PRIMA1: variants seen among roughly 807,000 people sequenced by gnomAD.
PRIMA1 encodes the protein proline rich membrane anchor 1.
A neutral mutation model predicts 17.5 loss-of-function variants in PRIMA1; 7 were observed. The observed-to-expected ratio is 0.40, with a 90% CI of 0.23 to 0.75. The LOEUF (loss-of-function observed/expected upper bound fraction) is 0.75. Ranked by LOEUF, PRIMA1 falls within the 30% of genes least tolerant of loss-of-function variation. The pLI is 0.37. For synonymous variants in PRIMA1, 97 were observed against 77.9 expected, an observed-to-expected ratio of 1.25 and a Z score of -1.29; for missense variants, 200 against 201.8, an observed-to-expected ratio of 0.99 and a Z score of 0.05.
At chr14:93,769,533 G>T (rs10148508) in intron 3 of PRIMA1, among the ~76,000 whole-genome samples, 1 of 152,042 alleles carries the variant, frequency 6.6e-6, no homozygotes, top group Non-Finnish European at 1.5e-5. Flanking sequence ...GACATGGCCC[G>T]TGTTTGATGC....
At chr14:93,755,768 G>A (rs865900777) in intron 3 of PRIMA1, among the ~76,000 whole-genome samples, 3 of 152,206 alleles carry the variant, frequency 2.0e-5, no homozygotes, top group African/African-American at 4.8e-5. Flanking sequence ...CTGTGGCCTT[G>A]GACCTTGGCC....
rs549925723 is a variant in PRIMA1, at chr14:93,781,713, G to A, written c.94-2402C>T. Among the ~76,000 whole-genome samples the A allele has an allele frequency of 3.9e-5, 6 of 152,342 alleles. No individual in the cohort carries two copies. In the East Asian group the frequency reaches 5.8e-4, roughly 15 times the overall value. On this transcript the variant is annotated intron_variant, in intron 2 of 4. Coordinates refer to ENST00000393140, the MANE Select transcript of PRIMA1 (RefSeq NM_178013.4). Reference sequence around the variant, plus strand: ...TGCATTTAAAAAACTGATAGTTCTCGCCTGTAATCCCAGCACTTTGGGAGG... The same window carrying A: ...TGCATTTAAAAAACTGATAGTTCTCACCTGTAATCCCAGCACTTTGGGAGG...
At position 93,779,024 on chromosome 14, in the gene PRIMA1, C is replaced by T. The variant is rs577868056; in HGVS notation, c.229+152G>A. The T allele has an allele frequency of 6.0e-5, 35 of 587,164 alleles. 1 individual carries two copies. In the South Asian group the frequency reaches 9.3e-4, roughly 16 times the overall value. 36.4% of individuals were successfully genotyped at this position (587,164 alleles called of 1,614,324 possible). ...CGCTGTGGGAAAGGCGTTTTGCAGA[C>T]TGCAGGGGAAAGTTGGGCCTTGGCT... is the stretch of plus-strand genomic sequence containing the variant. On this transcript the variant is annotated intron_variant, in intron 3 of 4. Transcript: ENST00000393140.
chr14:93,728,345 G>A (rs1035249437), intron 4 of PRIMA1, among the ~76,000 whole-genome samples: 4 of 152,232 alleles, frequency 2.6e-5, no homozygotes, highest in Non-Finnish European at 4.4e-5. Context: ...GAGAATAGCG[G>A]GAGGCCTGGT....
rs1335977724 is a variant in PRIMA1 at position 93,719,734 on chromosome 14, C to G, written c.*1710G>C. 6.6e-6 allele frequency: 1 copy of G among 152,338 alleles called. No homozygotes were observed. The highest frequency in any genetic ancestry group is 1.5e-5 in the Non-Finnish European group (1 of 68,166). 9.4% of individuals were successfully genotyped at this position (152,338 alleles called of 1,614,324 possible). ...TGTGAAGTACTGGCCAGGTCAGGAG[C>G]AGGGGGTGGCACTATGCTGATGCCC... On this transcript the variant is annotated 3_prime_UTR_variant, in exon 5 of 5. Coordinates refer to ENST00000393140, the MANE Select transcript of PRIMA1 (RefSeq NM_178013.4).
chr14:93,768,793 TATG>T (rs1884968119), intron 3 of PRIMA1, among the ~76,000 whole-genome samples: 1 of 146,694 alleles, frequency 6.8e-6, no homozygotes, highest in Non-Finnish European at 1.5e-5. Context: ...TTAAAAAAGA[TATG>T]ATCACTTTTT....
chr14:93,787,766 G>T lies in PRIMA1; in HGVS notation c.-31-17C>A. 1 of 1,532,712 alleles carries T rather than the reference G, an allele frequency of 6.5e-7. No individual in the cohort carries two copies. The highest frequency in any genetic ancestry group is 8.8e-7 in the Non-Finnish European group (1 of 1,142,644). 94.9% of individuals were successfully genotyped at this position (1,532,712 alleles called of 1,614,324 possible). ...TGGGGCGAACTGTCAGGAGAGCAAG[G>T]CTAGGGTCAGGCGGACACCGCGCAG... On this transcript the variant is annotated splice_polypyrimidine_tract_variant and intron_variant, in intron 1 of 4. Coordinates refer to ENST00000393140, the MANE Select transcript of PRIMA1 (RefSeq NM_178013.4).
chr14:93,773,865 G>A (rs1263854418), intron 3 of PRIMA1, among the ~76,000 whole-genome samples: 2 of 152,182 alleles, frequency 1.3e-5, no homozygotes, highest in Non-Finnish European at 2.9e-5. Context: ...AGGCTGAGGT[G>A]GGCAGATCAC....
intron 3 of PRIMA1, among the ~76,000 whole-genome samples, chr14:93,741,777 A>G (rs2076185853): frequency 6.6e-6 from 1 of 152,130 alleles, no homozygotes; most frequent in South Asian, 2.1e-4. Flanking sequence ...GAGAGTGCCA[A>G]GTTCCAGGAC....
At chr14:93,751,716 G>A (rs923132308) in intron 3 of PRIMA1, among the ~76,000 whole-genome samples, 2 of 152,156 alleles carry the variant, frequency 1.3e-5, no homozygotes, top group African/African-American at 2.4e-5. Flanking sequence ...ATGATGACAC[G>A]GCTGAGAAGA....
At chr14:93,748,106 GTA>G (rs1279463969) in intron 3 of PRIMA1, among the ~76,000 whole-genome samples, 1 of 152,028 alleles carries the variant, frequency 6.6e-6, no homozygotes, top group Non-Finnish European at 1.5e-5. Context: ...GTGTGAATGT[GTA>G]TGTGTGTGAA....
intron 3 of PRIMA1, among the ~76,000 whole-genome samples, chr14:93,766,908 T>C (rs1884906348): frequency 6.6e-6 from 1 of 152,182 alleles, no homozygotes; most frequent in South Asian, 2.1e-4. Flanking sequence ...ATAAGGACCA[T>C]ATCTTCTTTA....
At chr14:93,730,467 A>C (rs1224418507) in intron 4 of PRIMA1, among the ~76,000 whole-genome samples, 2 of 152,160 alleles carry the variant, frequency 1.3e-5, no homozygotes, top group Non-Finnish European at 2.9e-5. Context: ...CACTGACCAG[A>C]GAGACCTCTG....
intron 3 of PRIMA1, among the ~76,000 whole-genome samples, chr14:93,748,770 G>A (rs1318860809): frequency 1.3e-5 from 2 of 152,080 alleles, no homozygotes; most frequent in Non-Finnish European, 1.5e-5. Flanking sequence ...ATCATCAAGG[G>A]CACTGTTCTC....
At chr14:93,731,563 GC>G (rs1223312872) in intron 4 of PRIMA1, among the ~76,000 whole-genome samples, 5 of 152,198 alleles carry the variant, frequency 3.3e-5, no homozygotes, top group African/African-American at 1.2e-4. Context: ...TAATCATTAA[GC>G]TGTCTCAAAA....
rs1229333333 is a variant in PRIMA1 at position 93,721,283 on chromosome 14, G to A, written c.*161C>T. On this transcript the variant is annotated 3_prime_UTR_variant, in exon 5 of 5. Coordinates refer to ENST00000393140, the MANE Select transcript of PRIMA1 (RefSeq NM_178013.4). ...GCCTGGGCCCGCAGGCTGACCAGGG[G>A]CAAGCCTGGGAAGACAATGGTTTCT... 1.7e-6 allele frequency: 1 copy of A among 588,826 alleles called. No homozygotes were observed. Among genetic ancestry groups the A allele is most frequent in the Non-Finnish European group, 3.0e-6 (1 of 333,476 alleles). The allele number at this position is 588,826 out of a possible 1,614,324, so 36.5% of individuals were successfully genotyped here.
At chr14:93,779,576 G>T (rs912265621) in intron 2 of PRIMA1, among the ~76,000 whole-genome samples, 3 of 152,204 alleles carry the variant, frequency 2.0e-5, no homozygotes, top group African/African-American at 7.2e-5. Context: ...ATGAGAAGTA[G>T]ACAAGAACTT....
chr14:93,783,620 C>CA (rs1381618901), intron 2 of PRIMA1, among the ~76,000 whole-genome samples: 1 of 152,218 alleles, frequency 6.6e-6, no homozygotes, highest in Non-Finnish European at 1.5e-5. Flanking sequence ...CCAGAAAAGT[C>CA]AGTGACTTGC....
chr14:93,737,366 G>C lies in PRIMA1; in HGVS notation c.234C>G (p.Pro78=), dbSNP rs750564163. 11 of 1,613,852 alleles carry C rather than the reference G, an allele frequency of 6.8e-6. No individual in the cohort carries two copies. The highest frequency in any genetic ancestry group is 1.7e-5 in the Admixed American group (1 of 59,954). ...CCTCAGTGGGGCAAGAGGTAGAGTT[G>C]GGAGCTGAAAAAGACAGGAGCAGCC... is the stretch of plus-strand genomic sequence containing the variant. The part of the protein sequence containing the change: ...PPPRLLSAPA[P]NSTSCPTEES... Residue 78 remains proline, a synonymous_variant, in exon 4 of 5, where the codon CCC becomes CCG. Transcript: ENST00000393140.
Sources: gnomAD v4.1 joint callset for allele counts (sites outside exome capture counted in the v4.1 genomes callset) on GRCh38, gnomAD v4.1.1 for gene constraint, MANE v1.5 for transcripts, NCBI Gene and HGNC (gene_info 2026-07-23, HGNC 2026-07-21) for gene names.